The following PTPRD variants were observed in gnomAD, a reference collection of about 807,000 sequenced individuals.
PTPRD encodes receptor-type tyrosine-protein phosphatase delta.
In PTPRD, 34 loss-of-function variants were observed where a neutral mutation model predicts 214.5. The ratio of observed to expected loss-of-function variants is 0.16; its 90% CI spans 0.12 to 0.21. The LOEUF is 0.21. Among genes scored for constraint, PTPRD ranks in the 10% least tolerant of loss-of-function variants. PTPRD has a pLI of 1.00. For synonymous variants in PTPRD, 1,128 were observed against 845.7 expected (o/e 1.33, Z -5.79); for missense variants, 2,545 against 2,398.7 (o/e 1.06, Z -1.27).
At chr9:8,544,140 T>C (rs1219536983) in intron 14 of PTPRD, among the ~76,000 whole-genome samples, 2 of 150,980 alleles carry the variant, frequency 1.3e-5, no homozygotes, top group Non-Finnish European at 2.9e-5. Context: ...ATTAGGCTGG[T>C]GCAAAAGTAA....
At chr9:8,990,986 G>A (rs956422510) in intron 11 of PTPRD, among the ~76,000 whole-genome samples, 7 of 151,914 alleles carry the variant, frequency 4.6e-5, no homozygotes, top group East Asian at 3.9e-4. Context: ...AGGTCAAGGC[G>A]GGAGGACCAC....
chr9:9,249,641 T>C (rs941691211), intron 9 of PTPRD, among the ~76,000 whole-genome samples: 1 of 152,100 alleles, frequency 6.6e-6, no homozygotes, highest in Non-Finnish European at 1.5e-5. Flanking sequence ...TTGTCCAACT[T>C]TATTTGAACA....
chr9:10,519,539 G>C (rs2051433890), intron 2 of PTPRD, among the ~76,000 whole-genome samples: 1 of 151,950 alleles, frequency 6.6e-6, no homozygotes, highest in South Asian at 2.1e-4. Context: ...TTAGAGCTGA[G>C]TATAATGTGT....
At chr9:9,637,164 C>T (rs958731986) in intron 7 of PTPRD, among the ~76,000 whole-genome samples, 3 of 152,142 alleles carry the variant, frequency 2.0e-5, no homozygotes, top group African/African-American at 7.2e-5. Context: ...GATCATAGCA[C>T]TCCACCCCAG....
At chr9:8,752,159 C>G (rs1232319223) in intron 11 of PTPRD, among the ~76,000 whole-genome samples, 1 of 152,148 alleles carries the variant, frequency 6.6e-6, no homozygotes, top group Non-Finnish European at 1.5e-5. Context: ...GGGCTGCATT[C>G]TCAGACGGTT....
chr9:8,404,027 C>T lies in PTPRD; in HGVS notation c.4210+510G>A, dbSNP rs548224472. Among the ~76,000 whole-genome samples the T allele has an allele frequency of 1.5e-3, 225 of 152,290 alleles. 1 individual carries two copies. The highest frequency in any genetic ancestry group is 5.1e-3 in the African/African-American group (210 of 41,566). ...AAAGGCAAGAAGGTAATGAGAGATG[C>T]ACTTCTGTCATATGGTGTCAGGGAT... is the stretch of plus-strand genomic sequence containing the variant. On this transcript the variant is annotated intron_variant, in intron 36 of 45. Transcript: ENST00000381196.
At chr9:9,056,512 A>C (rs2154397940) in intron 10 of PTPRD, among the ~76,000 whole-genome samples, 1 of 152,348 alleles carries the variant, frequency 6.6e-6, no homozygotes, top group South Asian at 2.1e-4. Context: ...GTCATTCTCG[A>C]AGTTTATTCT....
rs143133020 is a variant in PTPRD, at chr9:9,845,353, C to A, written c.-367-78502G>T. 5.2e-3 allele frequency among the ~76,000 whole-genome samples: 786 copies of A among 151,402 alleles called. 7 individuals are homozygous for A. Among genetic ancestry groups the A allele is most frequent in the African/African-American group, 0.018 (750 of 41,302 alleles). ...CTGACATAACTTGAATGATCTTGTCCACAAAAGACTTTGGCAGTGTCCATA... is the reference window on the plus strand; with the variant it reads ...CTGACATAACTTGAATGATCTTGTCAACAAAAGACTTTGGCAGTGTCCATA... On this transcript the variant is annotated intron_variant, in intron 5 of 45. Transcript: ENST00000381196.
chr9:9,318,521 A>C (rs1964641617), intron 9 of PTPRD, among the ~76,000 whole-genome samples: 1 of 152,190 alleles, frequency 6.6e-6, no homozygotes, highest in South Asian at 2.1e-4. Context: ...AGTATTACAA[A>C]ATGTAATACT....
At chr9:10,450,104 G>C (rs978965976) in intron 2 of PTPRD, among the ~76,000 whole-genome samples, 3 of 151,676 alleles carry the variant, frequency 2.0e-5, no homozygotes, top group African/African-American at 7.3e-5. Context: ...CAAACACTGC[G>C]GAAGGCCGCA....
chr9:8,345,225 A>G (rs971526586), intron 39 of PTPRD, among the ~76,000 whole-genome samples: 1 of 152,062 alleles, frequency 6.6e-6, no homozygotes, highest in African/African-American at 2.4e-5. Flanking sequence ...CCTAAGAAGC[A>G]TTCAGTAAAT....
At chr9:8,699,919 A>T (rs898586592) in intron 12 of PTPRD, among the ~76,000 whole-genome samples, 4 of 152,190 alleles carry the variant, frequency 2.6e-5, no homozygotes, top group African/African-American at 4.8e-5. Flanking sequence ...GTAGGCCCTG[A>T]TTGATTTAAC....
chr9:10,256,160 A>G (rs1027471881), intron 3 of PTPRD, among the ~76,000 whole-genome samples: 1 of 152,106 alleles, frequency 6.6e-6, no homozygotes, highest in Non-Finnish European at 1.5e-5. Flanking sequence ...ACCCTCTCCC[A>G]TTGCCCTCAG....
chr9:10,046,018 G>C (rs1004281138), intron 3 of PTPRD, among the ~76,000 whole-genome samples: 2 of 151,722 alleles, frequency 1.3e-5, no homozygotes, highest in Admixed American at 1.3e-4. Flanking sequence ...AATACTTATT[G>C]TTAAACTAGA....
intron 10 of PTPRD, among the ~76,000 whole-genome samples, chr9:9,176,461 T>C (rs1374851214): frequency 6.6e-6 from 1 of 152,168 alleles, no homozygotes; most frequent in Non-Finnish European, 1.5e-5. Context: ...TTAGGTAATT[T>C]CCAACTTGAT....
chr9:10,056,444 G>GA lies in PTPRD; in HGVS notation c.-544-22655dup, dbSNP rs796727898. 5.6e-3 allele frequency among the ~76,000 whole-genome samples: 795 copies of GA among 142,170 alleles called. 4 individuals are homozygous for GA. Among genetic ancestry groups the GA allele is most frequent in the African/African-American group, 0.016 (608 of 38,984 alleles). 93.3% of individuals were successfully genotyped at this position (142,170 alleles called of 152,430 possible). ...AACCTCTTTTATTAGCTGCTGGAAAGAAAAAAAAAAACTATTGAATAAAGA... is the reference window on the plus strand; with the variant it reads ...AACCTCTTTTATTAGCTGCTGGAAAGAAAAAAAAAAAACTATTGAATAAAGA... On this transcript the variant is annotated intron_variant, in intron 3 of 45. Transcript: ENST00000381196.
intron 2 of PTPRD, among the ~76,000 whole-genome samples, chr9:10,458,053 C>A (rs1423280448): frequency 6.6e-6 from 1 of 151,860 alleles, no homozygotes; most frequent in Non-Finnish European, 1.5e-5. Flanking sequence ...GAGATTGAAG[C>A]ATTAATTAAA....
intron 12 of PTPRD, among the ~76,000 whole-genome samples, chr9:8,637,884 A>G (rs1402892702): frequency 1.3e-5 from 2 of 152,176 alleles, no homozygotes; most frequent in African/African-American, 4.8e-5. Flanking sequence ...ATAAGCCACA[A>G]AAGCATACTA....
intron 3 of PTPRD, among the ~76,000 whole-genome samples, chr9:10,161,213 C>G (rs890080465): frequency 3.3e-5 from 5 of 151,686 alleles, no homozygotes; most frequent in Admixed American, 3.3e-4. Context: ...TTTAAAATTT[C>G]TACACTGTCC....
Sources: gnomAD v4.1 joint callset for allele counts (sites outside exome capture counted in the v4.1 genomes callset) on GRCh38, gnomAD v4.1.1 for gene constraint, MANE v1.5 for transcripts, NCBI Gene and HGNC (gene_info 2026-07-23, HGNC 2026-07-21) for gene names.